Variants in TMIE observed in about 807,000 individuals in gnomAD.
TMIE encodes transmembrane inner ear expressed protein.
A neutral mutation model predicts 16.8 loss-of-function variants in TMIE; 14 were observed. The observed-to-expected ratio is 0.83, with a 90% CI of 0.55 to 1.30. The LOEUF (loss-of-function observed/expected upper bound fraction) is 1.30, where lower values mean the gene tolerates loss of function less well. TMIE is among the 50% of genes most tolerant of loss of function. The pLI, the probability that TMIE is intolerant of heterozygous loss-of-function variation, is 0.00. For missense variants in TMIE, 204 were observed against 205.9 expected (o/e 0.99, Z 0.06); for synonymous variants, 75 against 87.2 (o/e 0.86, Z 0.78).
rs1700597797 is a variant in TMIE at position 46,709,735 on chromosome 3, T to A, written c.*47T>A. On this transcript the variant is annotated 3_prime_UTR_variant, in exon 4 of 4. Transcript: ENST00000643606. ...CTGGCGGGCCCTGGAGCTCAAGCCG[T>A]GGCCGGGGTCCAGGCATGTTGGACT... The A allele has an allele frequency of 6.2e-7, 1 of 1,611,796 alleles. No individual in the cohort carries two copies.
At chr3:46,704,743 G>GC (rs764524168) in intron 1 of TMIE, among the ~76,000 whole-genome samples, 34 of 52,436 alleles carry the variant, frequency 6.5e-4, no homozygotes, top group Non-Finnish European at 1.2e-3. Flanking sequence ...GACACCCAGG[G>GC]CAGGACCATG....
At chr3:46,709,449 C>T (rs754176097) in intron 3 of TMIE, 130 bp from the exon 4 acceptor site, 39 of 1,606,206 alleles carry the variant, frequency 2.4e-5, no homozygotes, top group Non-Finnish European at 3.1e-5. Flanking sequence ...AACGATGAGC[C>T]TATTCTCCAG....
rs1166675338 is a variant in TMIE, at chr3:46,709,554, A to G, written c.362-25A>G. ...CAGGACCTTGTCTCACCACTATCACATGGTCTCTTCCCCCTGCCCCACAGA... is the reference window on the plus strand; with the variant it reads ...CAGGACCTTGTCTCACCACTATCACGTGGTCTCTTCCCCCTGCCCCACAGA... On this transcript the variant is annotated intron_variant, in intron 3 of 3. Transcript: ENST00000643606. The G allele has an allele frequency of 2.5e-6, 4 of 1,612,298 alleles. No individual in the cohort carries two copies. The East Asian group carries it at 6.7e-5, about 27-fold the overall frequency.
At chr3:46,705,573 C>T (rs1309843190) in intron 1 of TMIE, among the ~76,000 whole-genome samples, 1 of 152,210 alleles carries the variant, frequency 6.6e-6, no homozygotes, top group East Asian at 1.9e-4. Context: ...AAGCATCAAC[C>T]ACCCTCCCAC....
At position 46,705,867 on chromosome 3, in the gene TMIE, G is replaced by A. The variant is rs369245995; in HGVS notation, c.171G>A (p.Trp57Ter). ...TGGTGTTCTGGGACATGCGCCTGTG[G>A]CACGTGGTGGGCATCTTTTCGCTCT... ...ETVVFWDMRL[W>*]HVVGIFSLFV... The change falls in exon 2 of 4, where the codon TGG becomes TGA. Residue 57 changes from tryptophan to a stop codon, truncating the protein, a stop_gained. Coordinates refer to ENST00000643606, the MANE Select transcript of TMIE (RefSeq NM_147196.3). LOFTEE classifies it high-confidence loss of function. 24 of 1,614,038 alleles carry A rather than the reference G, an allele frequency of 1.5e-5. No individual in the cohort carries two copies. Among genetic ancestry groups the A allele is most frequent in the Non-Finnish European group, 2.0e-5 (24 of 1,180,048 alleles).
intron 1 of TMIE, among the ~76,000 whole-genome samples, chr3:46,702,796 T>C (rs1449944665): frequency 6.6e-6 from 1 of 152,124 alleles, no homozygotes; most frequent in African/African-American, 2.4e-5. Context: ...CCAGAGGGCA[T>C]GACCACAAGG....
upstream of TMIE, among the ~76,000 whole-genome samples, chr3:46,698,373 A>G (rs992743341): frequency 6.6e-6 from 1 of 151,976 alleles, no homozygotes; most frequent in African/African-American, 2.4e-5. Context: ...GTGTAGTATC[A>G]CACAGCCTTT....
At chr3:46,698,773 C>G (rs918932927), upstream of TMIE, among the ~76,000 whole-genome samples, 2 of 152,148 alleles carry the variant, frequency 1.3e-5, no homozygotes, top group Non-Finnish European at 2.9e-5. Flanking sequence ...TGTTTAAATT[C>G]TCTTATGCTA....
intron 2 of TMIE, among the ~76,000 whole-genome samples, chr3:46,708,811 G>C (rs1700583531): frequency 6.6e-6 from 1 of 152,252 alleles, no homozygotes; most frequent in Non-Finnish European, 1.5e-5. Flanking sequence ...TCATGGTGCA[G>C]ACCTCTGCCT....
upstream of TMIE, among the ~76,000 whole-genome samples, chr3:46,694,121 C>T (rs1255920130): frequency 1.3e-5 from 2 of 152,180 alleles, no homozygotes; most frequent in Non-Finnish European, 1.5e-5. Flanking sequence ...CCAGCACACG[C>T]GGAGCGCTGT....
rs1271625694 is a variant in TMIE at position 46,705,839 on chromosome 3, C to G, written c.143C>G (p.Thr48Arg). 1 of 1,614,180 alleles carries G rather than the reference C, an allele frequency of 6.2e-7. No homozygotes were observed. The highest frequency in any genetic ancestry group is 8.5e-7 in the Non-Finnish European group (1 of 1,180,044). ...AAGCCGCCTCCGCTGACCAAGGAGA[C>G]AGTGGTGTTCTGGGACATGCGCCTG... ...KPKPPPLTKE[T>R]VVFWDMRLWH... Residue 48 changes from threonine to arginine, a missense_variant, in exon 2 of 4, where the codon ACA (threonine) becomes AGA (arginine). By Grantham distance (71) the Thr-to-Arg change is moderately conservative (BLOSUM62 -1). Coordinates refer to ENST00000643606, the MANE Select transcript of TMIE (RefSeq NM_147196.3).
chr3:46,708,253 G>A (rs1559496954), intron 2 of TMIE, among the ~76,000 whole-genome samples: 1 of 152,192 alleles, frequency 6.6e-6, no homozygotes, highest in Non-Finnish European at 1.5e-5. Context: ...TCCAGTCCAG[G>A]CTACATAGAT....
chr3:46,709,361 C>A (rs1700592278), intron 3 of TMIE, 86 bp downstream of exon 3: 1 of 1,606,672 alleles, frequency 6.2e-7, no homozygotes, highest in African/African-American at 1.3e-5. Flanking sequence ...CTGCTCCAAC[C>A]AAAGCAGGTT....
intron 1 of TMIE, among the ~76,000 whole-genome samples, chr3:46,694,915 G>T (rs1490359989): frequency 6.6e-6 from 1 of 151,988 alleles, no homozygotes; most frequent in Non-Finnish European, 1.5e-5. Context: ...GCCCCCTTCT[G>T]CACCCCCTGC....
At chr3:46,698,517 G>T (rs1700429903), upstream of TMIE, among the ~76,000 whole-genome samples, 2 of 151,680 alleles carry the variant, frequency 1.3e-5, no homozygotes, top group Middle Eastern at 3.2e-3. Context: ...GAACTCCTGG[G>T]CTCAAATGAT....
At chr3:46,707,371 T>A (rs1700563990) in intron 2 of TMIE, among the ~76,000 whole-genome samples, 1 of 152,126 alleles carries the variant, frequency 6.6e-6, no homozygotes, top group Admixed American at 6.5e-5. Context: ...TCTAACCCCA[T>A]TTCCTAGAAA....
rs1700595754 is a variant in TMIE, at chr3:46,709,624, C to T, written c.407C>T (p.Thr136Ile). The change falls in exon 4 of 4, where the codon ACA becomes ATA. Residue 136 changes from threonine to isoleucine, a missense_variant. Coordinates refer to ENST00000643606, the MANE Select transcript of TMIE (RefSeq NM_147196.3). ...KKKKKKDSVD[T>I]VAIKVEEDEK... ...AAGAAGAAGAAGGACAGTGTGGACA[C>T]AGTGGCCATCAAAGTAGAGGAGGAT... 2 of 1,613,584 alleles carry T rather than the reference C, an allele frequency of 1.2e-6. No homozygotes were observed. Among genetic ancestry groups the T allele is most frequent in the African/African-American group, 1.3e-5 (1 of 74,944 alleles).
At position 46,709,874 on chromosome 3, in the gene TMIE, C is replaced by G; in HGVS notation, c.*186C>G. On this transcript the variant is annotated 3_prime_UTR_variant, in exon 4 of 4. Transcript: ENST00000643606. ...ACCAGACAATCTCGTAGGTGTCCTG[C>G]CCCCCAGCCTAGGCTTGGCTCCTTT... 1 of 1,250,498 alleles carries G rather than the reference C, an allele frequency of 8.0e-7. No homozygotes were observed. Among genetic ancestry groups the G allele is most frequent in the Non-Finnish European group, 1.1e-6 (1 of 904,230 alleles). 77.5% of individuals were successfully genotyped at this position (1,250,498 alleles called of 1,614,324 possible).
chr3:46,706,901 G>A (rs916283459), intron 2 of TMIE, among the ~76,000 whole-genome samples: 4 of 152,216 alleles, frequency 2.6e-5, no homozygotes, highest in African/African-American at 9.6e-5. Context: ...GGGATGAGGT[G>A]CCCCAGAGAG....
Sources: allele counts gnomAD v4.1 joint callset (sites outside exome capture counted in the v4.1 genomes callset), GRCh38; gene constraint gnomAD v4.1.1; transcripts MANE v1.5; gene names NCBI Gene and HGNC (gene_info 2026-07-23, HGNC 2026-07-21).